Variants in CCDC3 observed in about 807,000 individuals in gnomAD.
CCDC3 encodes the protein coiled-coil domain-containing protein 3.
A neutral mutation model predicts 21.4 loss-of-function variants in CCDC3; 24 were observed. The ratio of observed to expected loss-of-function variants is 1.12; its 90% confidence interval spans 0.81 to 1.58. CCDC3 has a LOEUF of 1.58. Among genes scored for constraint, CCDC3 ranks in the 40% most tolerant of loss-of-function variants. The pLI, the probability that CCDC3 is intolerant of heterozygous loss-of-function variation, is 0.00. For missense variants in CCDC3, 425 were observed against 360.9 expected (o/e 1.18, Z -1.44); for synonymous variants, 186 against 166.0 (o/e 1.12, Z -0.93).
intron 2 of CCDC3, among the ~76,000 whole-genome samples, chr10:12,964,215 A>G (rs1835225314): frequency 6.6e-6 from 1 of 152,014 alleles, no homozygotes; most frequent in Non-Finnish European, 1.5e-5. Context: ...TCTACTAAAA[A>G]TGCAAAATTA....
At chr10:12,908,240 A>G (rs1488427308) in intron 2 of CCDC3, among the ~76,000 whole-genome samples, 1 of 152,218 alleles carries the variant, frequency 6.6e-6, no homozygotes, top group Non-Finnish European at 1.5e-5. Flanking sequence ...TTCTGGTTAA[A>G]AAAGTTTCAG....
rs886315278 is a variant in CCDC3 at position 13,074,466 on chromosome 10, G to A, written c.-502-366C>T. On this transcript the variant is annotated intron_variant, in intron 3 of 6. Coordinates refer to the CCDC3 transcript ENST00000378839. ...CTCCCAAAGTGCTGGGATTACAGGC[G>A]TGAGCCACCACAACCGGCGGAATCA... Among the ~76,000 whole-genome samples the A allele has an allele frequency of 1.0e-4, 15 of 149,134 alleles. No homozygotes were observed. The South Asian group carries it at 1.3e-3, about 13-fold the overall frequency.
At chr10:12,900,690 CAAA>C (rs547349413) in intron 2 of CCDC3, among the ~76,000 whole-genome samples, 7 of 63,454 alleles carry the variant, frequency 1.1e-4, no homozygotes, top group Admixed American at 5.4e-4. Context: ...CACTCCATCT[CAAA>C]AAAAAAAAAA....
At chr10:12,969,862 C>T (rs1358183202) in intron 2 of CCDC3, among the ~76,000 whole-genome samples, 1 of 151,012 alleles carries the variant, frequency 6.6e-6, no homozygotes, top group South Asian at 2.1e-4. Flanking sequence ...CACAGAAAAG[C>T]AAAATACCAT....
Position 12,913,443 on chromosome 10 carries a change from C to T in CCDC3, c.550-14764G>A, listed in dbSNP as rs114420873. On this transcript the variant is annotated intron_variant, in intron 2 of 2. Coordinates refer to ENST00000378825, the MANE Select transcript of CCDC3 (RefSeq NM_031455.4). ...TGTGTGTTGATTTTGTATCCTCAGA[C>T]TTTACTGAATTTGTTTATTAGCTCT... 4.9e-3 allele frequency among the ~76,000 whole-genome samples: 747 copies of T among 152,302 alleles called. 4 individuals carry two copies. Among genetic ancestry groups the T allele is most frequent in the African/African-American group, 0.017 (720 of 41,570 alleles).
chr10:13,033,528 A>C (rs550276265), intron 5 of CCDC3, among the ~76,000 whole-genome samples: 51 of 152,332 alleles, frequency 3.3e-4, no homozygotes, highest in African/African-American at 1.2e-3. Context: ...GCACAGCAAA[A>C]GAAACTACCA....
intron 5 of CCDC3, among the ~76,000 whole-genome samples, chr10:13,048,369 T>A (rs1288796669): frequency 1.3e-5 from 2 of 152,092 alleles, no homozygotes. Context: ...TTTTTTTGTA[T>A]TTTTACTAGA....
chr10:13,054,224 C>T (rs1401596133), intron 4 of CCDC3, among the ~76,000 whole-genome samples: 9 of 151,736 alleles, frequency 5.9e-5, no homozygotes, highest in Admixed American at 5.9e-4. Flanking sequence ...CCTCTCAGCC[C>T]AGCTATTGCA....
At position 13,017,516 on chromosome 10, in the gene CCDC3, C is replaced by CA. The variant is rs60969932; in HGVS notation, c.-1-19005dup. Among the ~76,000 whole-genome samples the CA allele has an allele frequency of 6.3e-3, 708 of 111,632 alleles. 25 individuals are homozygous for CA. The highest frequency in any genetic ancestry group is 0.016 in the African/African-American group (453 of 28,216). The allele number at this position is 111,632 out of a possible 152,430, so 73.2% of individuals were successfully genotyped here. ...TGGATGACAGAGCAAGACTCCATCT[C>CA]AAAAAAAAAAAAAAAGAAAAGAAAA... On this transcript the variant is annotated intron_variant, in intron 5 of 6. Coordinates refer to the CCDC3 transcript ENST00000378839.
intron 2 of CCDC3, among the ~76,000 whole-genome samples, chr10:12,949,993 TC>T (rs533501486): frequency 4.7e-4 from 71 of 152,332 alleles, no homozygotes; most frequent in Admixed American, 1.7e-3. Context: ...CTGTGTTCTC[TC>T]CTAGTTGGTG....
intron 5 of CCDC3, among the ~76,000 whole-genome samples, chr10:13,022,889 A>G (rs1208019406): frequency 1.3e-5 from 2 of 152,246 alleles, no homozygotes; most frequent in Non-Finnish European, 2.9e-5. Flanking sequence ...GTGATATTGC[A>G]GAACTGCTTG....
At chr10:13,045,059 A>C (rs1013460868) in intron 5 of CCDC3, among the ~76,000 whole-genome samples, 1 of 152,192 alleles carries the variant, frequency 6.6e-6, no homozygotes, top group African/African-American at 2.4e-5. Flanking sequence ...AACATACACG[A>C]ACAAGCTCAT....
In CCDC3 at chr10:13,072,557, G is replaced by A. The variant is rs151106703; in HGVS notation, c.-270+1311C>T. Among the ~76,000 whole-genome samples the A allele has an allele frequency of 1.4e-4, 21 of 152,320 alleles. No individual in the cohort carries two copies. In the East Asian group the frequency reaches 4.1e-3, roughly 29 times the overall value. ...CTGCTCACATGTGCACTGGGAGAATGGGGTGGAGCCACAGGCAGGGGGAGG... is the reference window on the plus strand; with the variant it reads ...CTGCTCACATGTGCACTGGGAGAATAGGGTGGAGCCACAGGCAGGGGGAGG... On this transcript the variant is annotated intron_variant, in intron 4 of 6. Coordinates refer to the CCDC3 transcript ENST00000378839.
chr10:13,075,117 G>A (rs1014456760), intron 3 of CCDC3, among the ~76,000 whole-genome samples: 7 of 152,146 alleles, frequency 4.6e-5, no homozygotes, highest in Non-Finnish European at 8.8e-5. Context: ...CCACTGAAAC[G>A]AGGCTTTACA....
chr10:13,000,652 G>A (rs912684341), intron 1 of CCDC3, among the ~76,000 whole-genome samples: 1 of 152,216 alleles, frequency 6.6e-6, no homozygotes, highest in Admixed American at 6.5e-5. Flanking sequence ...AGGAAGAGGA[G>A]AGAGTGGACA....
chr10:13,013,057 C>G (rs1255151368), intron 5 of CCDC3, among the ~76,000 whole-genome samples: 13 of 152,006 alleles, frequency 8.6e-5, no homozygotes, highest in Non-Finnish European at 1.5e-5. Flanking sequence ...GTAAATTTAT[C>G]ACATTTATTC....
intron 2 of CCDC3, among the ~76,000 whole-genome samples, chr10:12,948,414 A>G (rs1410746867): frequency 6.6e-6 from 1 of 151,960 alleles, no homozygotes; most frequent in Non-Finnish European, 1.5e-5. Context: ...TCTCTCAGGC[A>G]TGTGTGATAT....
chr10:12,950,685 C>A (rs1441199747), intron 2 of CCDC3, among the ~76,000 whole-genome samples: 1 of 152,184 alleles, frequency 6.6e-6, no homozygotes. Flanking sequence ...AAGGCAAATG[C>A]AAACATTTCT....
At chr10:13,041,504 ATTTTTTTTTTTTTTTTTTTTTT>A (rs71477255) in intron 5 of CCDC3, among the ~76,000 whole-genome samples, 1,126 of 62,150 alleles carry the variant, frequency 0.018, 23 homozygotes, top group African/African-American at 0.052. Context: ...CTGGCAGATA[ATTTTTTTTTTTTTTTTTTTTTT>A]TTTTTTTTTT....
Sources: gnomAD v4.1 joint callset for allele counts (sites outside exome capture counted in the v4.1 genomes callset) on GRCh38, gnomAD v4.1.1 for gene constraint, MANE v1.5 for transcripts, NCBI Gene and HGNC (gene_info 2026-07-23, HGNC 2026-07-21) for gene names.